Variants in PRPF39 observed in about 807,000 individuals in gnomAD.
PRPF39 encodes pre-mRNA processing factor 39, also known as pre-mRNA-processing factor 39.
A neutral mutation model predicts 82.1 loss-of-function variants in PRPF39; 27 were observed. The observed-to-expected ratio is 0.33, with a 90% CI of 0.24 to 0.45. The LOEUF (loss-of-function observed/expected upper bound fraction) is 0.45, where lower values mean the gene tolerates loss of function less well. Ranked by LOEUF, PRPF39 falls within the 20% of genes least tolerant of loss-of-function variation. The pLI is 1.00. For synonymous variants in PRPF39, 261 were observed against 256.4 expected (o/e 1.02, Z -0.17); for missense variants, 581 against 796.9 (o/e 0.73, Z 3.26).
intron 11 of PRPF39, among the ~76,000 whole-genome samples, chr14:45,112,724 A>C (rs1015729112): frequency 6.6e-6 from 1 of 152,228 alleles, no homozygotes; most frequent in Non-Finnish European, 1.5e-5. Context: ...CTGTTTTCCC[A>C]ATTTTAGAAT....
chr14:45,112,941 A>T (rs1884736178), intron 11 of PRPF39, among the ~76,000 whole-genome samples: 1 of 152,206 alleles, frequency 6.6e-6, no homozygotes, highest in Admixed American at 6.5e-5. Context: ...TAGTGGCCTC[A>T]TCTTCCTTCA....
intron 11 of PRPF39, among the ~76,000 whole-genome samples, chr14:45,112,727 T>G (rs1253518779): frequency 6.6e-6 from 1 of 152,196 alleles, no homozygotes; most frequent in African/African-American, 2.4e-5. Flanking sequence ...TTTTCCCAAT[T>G]TTAGAATGAC....
intron 5 of PRPF39, among the ~76,000 whole-genome samples, chr14:45,104,196 TTTTC>T (rs1452345906): frequency 6.6e-6 from 1 of 152,180 alleles, no homozygotes; most frequent in Admixed American, 6.5e-5. Context: ...ATTTATTTAT[TTTTC>T]TTTAAGTTGT....
At chr14:45,114,750 A>G (rs1884791223) in intron 13 of PRPF39, 107 bp from the exon 14 acceptor site, 1 of 1,377,150 alleles carries the variant, frequency 7.3e-7, no homozygotes, top group South Asian at 1.3e-5. Flanking sequence ...GAATTTTAGC[A>G]GTGAACACTT....
intron 11 of PRPF39, 128 bp downstream of exon 11, chr14:45,112,630 C>T (rs1225843292): frequency 5.2e-6 from 5 of 953,828 alleles, no homozygotes; most frequent in Admixed American, 4.3e-5. Flanking sequence ...TTACTTTTTC[C>T]TCAGATATAT....
chr14:45,096,617 T>C, intron 3 of PRPF39: 1 of 1,473,408 alleles, frequency 6.8e-7, no homozygotes, highest in East Asian at 2.9e-5. Context: ...GATGCTCTAA[T>C]GGGTCTGTGC....
chr14:45,089,532 G>T (rs112659320), intron 1 of PRPF39, among the ~76,000 whole-genome samples: 1 of 152,220 alleles, frequency 6.6e-6, no homozygotes, highest in Admixed American at 6.5e-5. Flanking sequence ...GCAGTGGCAC[G>T]ATCACGACTC....
At chr14:45,113,569 A>G (rs1341902072) in intron 11 of PRPF39, among the ~76,000 whole-genome samples, 1 of 152,224 alleles carries the variant, frequency 6.6e-6, no homozygotes, top group Non-Finnish European at 1.5e-5. Context: ...AAGATGAGAT[A>G]TGTAATTCTA....
Position 45,102,610 on chromosome 14 carries a change from T to C in PRPF39, c.651T>C (p.Asn217=). The change falls in exon 5 of 14, where the codon AAT becomes AAC. Residue 217 remains asparagine (N), a synonymous_variant. Coordinates refer to ENST00000355765, the MANE Select transcript of PRPF39 (RefSeq NM_017922.4). ...GGGAAATGTATATAAACTGGGAAAA[T>C]GAGCAGGGAAACCTGAGAGAAGTTA... ...RLWEMYINWE[N]EQGNLREVTA... is the part of the protein sequence containing the mutation. 1.2e-6 allele frequency: 2 copies of C among 1,611,708 alleles called. No individual in the cohort carries two copies. Among genetic ancestry groups the C allele is most frequent in the South Asian group, 1.1e-5 (1 of 90,946 alleles).
At chr14:45,095,741 G>A in intron 2 of PRPF39, 178 bp downstream of exon 2, 1 of 819,044 alleles carries the variant, frequency 1.2e-6, no homozygotes. Context: ...TTTGTATGTT[G>A]TAGAGAGTCA....
At chr14:45,105,830 C>T (rs1199077078) in intron 5 of PRPF39, among the ~76,000 whole-genome samples, 1 of 151,882 alleles carries the variant, frequency 6.6e-6, no homozygotes, top group Non-Finnish European at 1.5e-5. Flanking sequence ...GACCTGTTTG[C>T]TTACTTTTTA....
rs1205380513 is a variant in PRPF39, at chr14:45,112,433, T to C, written c.1688T>C (p.Ile563Thr). 1 of 1,544,462 alleles carries C rather than the reference T, an allele frequency of 6.5e-7. No homozygotes were observed. Among genetic ancestry groups the C allele is most frequent in the African/African-American group, 1.4e-5 (1 of 70,840 alleles). Residue 563 changes from isoleucine (I) to threonine (T), a missense_variant, in exon 11 of 14, where the codon ATT becomes ACT. Ile to Thr is a moderately conservative substitution (Grantham distance 89). Transcript: ENST00000355765. Reference sequence around the variant, plus strand: ...AAAGCTGTACATGGTTCATTACCTATTAAAATGAGAATTACATTTTCTCAG... The same window carrying C: ...AAAGCTGTACATGGTTCATTACCTACTAAAATGAGAATTACATTTTCTCAG... ...FDKAVHGSLP[I>T]KMRITFSQRK...
At position 45,114,187 on chromosome 14, in the gene PRPF39, C is replaced by G. The variant is rs767627885; in HGVS notation, c.1762C>G (p.Leu588Val). Residue 588 changes from leucine (L) to valine (V), a missense_variant, in exon 12 of 14, where the codon CTG (leucine) becomes GTG (valine). Leu to Val is a conservative substitution (Grantham distance 32, BLOSUM62 1). Transcript: ENST00000355765. The part of the protein sequence containing the change: ...EDFGSDVNKL[L>V]NAYDEHQTLL... ...TATTTTTTTCTTTCCTTTCAGGCTT[C>G]TGAATGCTTATGATGAACATCAAAC... is the stretch of plus-strand genomic sequence containing the variant. 8.9e-6 allele frequency: 14 copies of G among 1,580,986 alleles called. No homozygotes were observed. Among genetic ancestry groups the G allele is most frequent in the East Asian group, 2.3e-5 (1 of 44,064 alleles).
intron 4 of PRPF39, among the ~76,000 whole-genome samples, chr14:45,098,238 C>T (rs183467621): frequency 1.2e-3 from 177 of 152,156 alleles, no homozygotes; most frequent in African/African-American, 4.1e-3. Context: ...TGTGATTGCA[C>T]CACTGCACTC....
chr14:45,114,133 A>G (rs772046385), intron 11 of PRPF39, 50 bp from the exon 12 acceptor site: 4 of 1,332,434 alleles, frequency 3.0e-6, no homozygotes, highest in Non-Finnish European at 3.1e-6. Flanking sequence ...AATATTTAAT[A>G]AAGTTTGTTT....
In PRPF39 at chr14:45,096,896, C is replaced by G; in HGVS notation, c.460C>G (p.Arg154Gly). ...GCTGTTTTCTTCTTAGGTTTATCGGCGGGGGCTTCAGGCAATACCTCTTAG... is the reference window on the plus strand; with the variant it reads ...GCTGTTTTCTTCTTAGGTTTATCGGGGGGGGCTTCAGGCAATACCTCTTAG... ...NIKPSDEVYR[R>G]GLQAIPLSVD... Residue 154 changes from arginine to glycine, a missense_variant, in exon 4 of 14, where the codon CGG (arginine) becomes GGG (glycine). Arg to Gly is a moderately radical substitution (Grantham distance 125). Transcript: ENST00000355765. 6.5e-7 allele frequency: 1 copy of G among 1,537,498 alleles called. No homozygotes were observed. Among genetic ancestry groups the G allele is most frequent in the Non-Finnish European group, 8.8e-7 (1 of 1,142,372 alleles).
chr14:45,110,994 T>G lies in PRPF39; in HGVS notation c.1572+177T>G. ...TTTAAAAATTTTTTTCAAATTGTTT[T>G]GAATTAAAAGTTTTAGACATTAAGA... On this transcript the variant is annotated intron_variant, in intron 10 of 13. Transcript: ENST00000355765. The surrounding 1 kb of genome is among the most constrained non-coding windows in gnomAD (Gnocchi z 4.0). The G allele has an allele frequency of 6.4e-6, 4 of 626,188 alleles. No individual in the cohort carries two copies. Among genetic ancestry groups the G allele is most frequent in the Non-Finnish European group, 1.1e-5 (4 of 372,198 alleles). The allele number at this position is 626,188 out of a possible 1,614,324, so 38.8% of individuals were successfully genotyped here. A position where few individuals can be genotyped will look rare whatever the true frequency, so the allele number is the denominator to read the frequency against.
chr14:45,086,189 C>T (rs1378466552), intron 1 of PRPF39, among the ~76,000 whole-genome samples: 1 of 152,160 alleles, frequency 6.6e-6, no homozygotes, highest in African/African-American at 2.4e-5. Context: ...GATCTGCCTG[C>T]CTCGGCCTCC....
chr14:45,084,941 A>G lies in PRPF39; in HGVS notation c.-20+692A>G, dbSNP rs187970354. The stretch of plus-strand genomic sequence containing the variant: ...TCAGTGTATTAGTAATGATGCCATA[A>G]TACCATGTGAATTTATGCTGATTCA... On this transcript the variant is annotated intron_variant, in intron 1 of 13. Coordinates refer to ENST00000355765, the MANE Select transcript of PRPF39 (RefSeq NM_017922.4). Among the ~76,000 whole-genome samples the G allele has an allele frequency of 1.2e-4, 19 of 152,288 alleles. 1 individual carries two copies. In the East Asian group the frequency reaches 3.7e-3, roughly 29 times the overall value.
Sources: allele counts gnomAD v4.1 joint callset (sites outside exome capture counted in the v4.1 genomes callset), GRCh38; gene constraint gnomAD v4.1.1; non-coding constraint Gnocchi (gnomAD v3.1); transcripts MANE v1.5; gene names NCBI Gene and HGNC (gene_info 2026-07-23, HGNC 2026-07-21).